Variants in FAF2 observed in about 807,000 individuals in gnomAD.
The protein encoded by FAF2 is FAS-associated factor 2.
A neutral mutation model predicts 62.3 loss-of-function variants in FAF2; 9 were observed. That is an observed-to-expected ratio of 0.14 (90% CI 0.09 to 0.25). FAF2 has a LOEUF of 0.25. Ranked by LOEUF, FAF2 falls within the 10% of genes least tolerant of loss-of-function variation. FAF2 has a pLI of 1.00. For synonymous variants in FAF2, 202 were observed against 198.0 expected (o/e 1.02, Z -0.17); for missense variants, 368 against 556.2 (o/e 0.66, Z 3.40).
Position 176,500,153 on chromosome 5 carries a change from A to G in FAF2, c.1155+7A>G. On this transcript the variant is annotated splice_region_variant and intron_variant, in intron 10 of 10. Transcript: ENST00000261942. ...CTTTTCACAGTCTCTAACAGTAAGG[A>G]CCACCTAAGTTCTGTGAAGTGTATG... is the stretch of plus-strand genomic sequence containing the variant. 1 of 1,613,738 alleles carries G rather than the reference A, an allele frequency of 6.2e-7. No homozygotes were observed. Among genetic ancestry groups the G allele is most frequent in the South Asian group, 1.1e-5 (1 of 91,028 alleles).
intron 1 of FAF2, among the ~76,000 whole-genome samples, chr5:176,454,825 C>G (rs1212651857): frequency 6.6e-6 from 1 of 152,074 alleles, no homozygotes; most frequent in Non-Finnish European, 1.5e-5. Flanking sequence ...TTCCTAAACT[C>G]TATTCTGTAA....
intron 1 of FAF2, among the ~76,000 whole-genome samples, chr5:176,478,708 C>T (rs1327359050): frequency 6.6e-6 from 1 of 152,116 alleles, no homozygotes; most frequent in African/African-American, 2.4e-5. Flanking sequence ...GGAATATTTA[C>T]GTTTTACTGA....
chr5:176,500,880 A>G (rs1022382636), intron 10 of FAF2, among the ~76,000 whole-genome samples: 1 of 152,154 alleles, frequency 6.6e-6, no homozygotes, highest in Non-Finnish European at 1.5e-5. Flanking sequence ...TAATCCCAGC[A>G]CTTTGAGAGG....
At chr5:176,505,431 G>A (rs1755660089) in intron 10 of FAF2, among the ~76,000 whole-genome samples, 1 of 152,186 alleles carries the variant, frequency 6.6e-6, no homozygotes, top group Non-Finnish European at 1.5e-5. Context: ...CCCACAGACA[G>A]GAGATTCATA....
intron 1 of FAF2, among the ~76,000 whole-genome samples, chr5:176,450,210 A>G (rs1042311375): frequency 2.6e-5 from 4 of 152,188 alleles, no homozygotes; most frequent in African/African-American, 9.6e-5. Flanking sequence ...AAGTGTATAA[A>G]TGGAAAAATG....
intron 4 of FAF2, among the ~76,000 whole-genome samples, chr5:176,489,574 G>T (rs537181094): frequency 1.3e-5 from 2 of 152,020 alleles, no homozygotes; most frequent in Admixed American, 6.6e-5. Context: ...CTCTGTCGCT[G>T]TCACCCAGGC....
chr5:176,453,065 T>G (rs1758216628), intron 1 of FAF2: 1 of 152,188 alleles, frequency 6.6e-6, no homozygotes, highest in Admixed American at 6.5e-5. Context: ...TTATTTCATA[T>G]CATGTTTCTC....
chr5:176,457,102 C>T (rs903369944), intron 1 of FAF2, among the ~76,000 whole-genome samples: 1 of 152,142 alleles, frequency 6.6e-6, no homozygotes, highest in African/African-American at 2.4e-5. Context: ...AGTATACATT[C>T]TGATTACTCT....
rs1350227561 is a variant in FAF2, at chr5:176,508,912, C to T, written c.*1962C>T. 3 of 152,168 alleles carry T rather than the reference C, an allele frequency of 2.0e-5. No homozygotes were observed. The highest frequency in any genetic ancestry group is 3.8e-4 in the East Asian group (2 of 5,200). The allele number at this position is 152,168 out of a possible 1,614,324, so 9.4% of individuals were successfully genotyped here. On this transcript the variant is annotated 3_prime_UTR_variant, in exon 11 of 11. Coordinates refer to ENST00000261942, the MANE Select transcript of FAF2 (RefSeq NM_014613.3). Reference sequence around the variant, plus strand: ...CAGCACACAGGAGGGTATTAAGGACCTTTGTGAGGCTAGGTACACTGTCCA... The same window carrying T: ...CAGCACACAGGAGGGTATTAAGGACTTTTGTGAGGCTAGGTACACTGTCCA...
intron 2 of FAF2, among the ~76,000 whole-genome samples, chr5:176,480,292 T>C (rs1758766546): frequency 6.6e-6 from 1 of 152,174 alleles, no homozygotes. Flanking sequence ...TGTTCCCTTT[T>C]TTTTTCCAGT....
intron 10 of FAF2, among the ~76,000 whole-genome samples, chr5:176,501,628 A>G (rs1476826469): frequency 6.6e-6 from 1 of 152,244 alleles, no homozygotes; most frequent in East Asian, 1.9e-4. Flanking sequence ...TACAGAATGT[A>G]AGACTCAGAG....
intron 5 of FAF2, among the ~76,000 whole-genome samples, chr5:176,492,720 G>A (rs1758994808): frequency 6.6e-6 from 1 of 152,122 alleles, no homozygotes; most frequent in Non-Finnish European, 1.5e-5. Flanking sequence ...CCCACTTACA[G>A]CTATCCCTGA....
chr5:176,486,531 T>C (rs776835599), intron 3 of FAF2, 42 bp downstream of exon 3: 31 of 1,605,142 alleles, frequency 1.9e-5, no homozygotes, highest in Non-Finnish European at 2.6e-5. Flanking sequence ...TTTTTATTTA[T>C]AAGTATATCC....
At chr5:176,490,632 T>C (rs966986611) in intron 4 of FAF2, among the ~76,000 whole-genome samples, 2 of 152,212 alleles carry the variant, frequency 1.3e-5, no homozygotes, top group Admixed American at 1.3e-4. Context: ...TTTATGAGGC[T>C]GTCTACTTAA....
At position 176,483,675 on chromosome 5, in the gene FAF2, G is replaced by A. The variant is rs183555030; in HGVS notation, c.133-2680G>A. Among the ~76,000 whole-genome samples the A allele has an allele frequency of 2.3e-4, 35 of 152,246 alleles. No individual in the cohort carries two copies. In the East Asian group the frequency reaches 5.4e-3, roughly 24 times the overall value. ...TGCAGTTTCAGAGTGTCGCAAAACCGTCTTCAGATTTGCTAATTCACTAGA... is the reference window on the plus strand; with the variant it reads ...TGCAGTTTCAGAGTGTCGCAAAACCATCTTCAGATTTGCTAATTCACTAGA... On this transcript the variant is annotated intron_variant, in intron 2 of 10. Coordinates refer to ENST00000261942, the MANE Select transcript of FAF2 (RefSeq NM_014613.3).
intron 1 of FAF2, among the ~76,000 whole-genome samples, chr5:176,464,055 A>C (rs1758424621): frequency 6.6e-6 from 1 of 152,124 alleles, no homozygotes; most frequent in Admixed American, 6.6e-5. Context: ...GCTGCTACAC[A>C]AATTAAAATT....
intron 1 of FAF2, among the ~76,000 whole-genome samples, chr5:176,458,432 C>T (rs1445510545): frequency 0.018 from 11 of 612 alleles, no homozygotes; most frequent in East Asian, 0.037. Flanking sequence ...TTTTTTGAGA[C>T]GGAGTCTCAC....
In FAF2 at chr5:176,494,586, G is replaced by A. The variant is rs995678948; in HGVS notation, c.661+311G>A. ...AAAAATTTTTTTGAGATGGAGTCTT[G>A]CTCTGTCGCCCAGGCTGGAGTGCAG... On this transcript the variant is annotated intron_variant, in intron 7 of 10. Transcript: ENST00000261942. The surrounding 1 kb of genome is among the most constrained non-coding windows in gnomAD (Gnocchi z 4.0). Among the ~76,000 whole-genome samples the A allele has an allele frequency of 6.6e-6, 1 of 151,890 alleles. No homozygotes were observed. The highest frequency in any genetic ancestry group is 1.5e-5 in the Non-Finnish European group (1 of 67,974).
chr5:176,490,900 G>T (rs967039797), intron 4 of FAF2, among the ~76,000 whole-genome samples: 2 of 152,048 alleles, frequency 1.3e-5, no homozygotes, highest in Non-Finnish European at 2.9e-5. Context: ...AAAGAAAGTA[G>T]TTAAAACATC....
Sources: allele counts gnomAD v4.1 joint callset (sites outside exome capture counted in the v4.1 genomes callset), GRCh38; gene constraint gnomAD v4.1.1; non-coding constraint Gnocchi (gnomAD v3.1); transcripts MANE v1.5; gene names NCBI Gene and HGNC (gene_info 2026-07-23, HGNC 2026-07-21).